CYFIP2: variants seen among roughly 807,000 people sequenced by gnomAD.
CYFIP2 encodes cytoplasmic FMR1 interacting protein 2, also known as cytoplasmic FMR1-interacting protein 2.
Under a neutral mutation model 158.7 loss-of-function variants are expected in CYFIP2, and 29 were observed. The observed-to-expected ratio is 0.18, with a 90% CI of 0.14 to 0.25. The LOEUF (loss-of-function observed/expected upper bound fraction) is 0.25. CYFIP2 is among the 10% of genes least tolerant of loss of function. CYFIP2 has a pLI of 1.00. For synonymous variants in CYFIP2, 585 were observed against 617.6 expected, an observed-to-expected ratio of 0.95 and a Z score of 0.78; for missense variants, 852 against 1,639.5, an observed-to-expected ratio of 0.52 and a Z score of 8.29.
At chr5:157,374,330 T>C (rs572568477) in intron 26 of CYFIP2, among the ~76,000 whole-genome samples, 1 of 152,314 alleles carries the variant, frequency 6.6e-6, no homozygotes, top group Admixed American at 6.5e-5. Context: ...ATATATTAAT[T>C]TTTAAAGAAT....
In CYFIP2 at chr5:157,349,659, G is replaced by A. The variant is rs562230642; in HGVS notation, c.2673+8502G>A. Among the ~76,000 whole-genome samples the A allele has an allele frequency of 1.7e-4, 26 of 152,278 alleles. No individual in the cohort carries two copies. The South Asian group carries it at 3.7e-3, about 22-fold the overall frequency. ...AGTGGGATTGCTGGATCAAATGGTA[G>A]TTCTCACTTTTAGTTCTTAAAGGAA... On this transcript the variant is annotated intron_variant, in intron 23 of 30. Coordinates refer to ENST00000620254, the MANE Select transcript of CYFIP2 (RefSeq NM_001037333.3).
intron 21 of CYFIP2, 74 bp downstream of exon 21, chr5:157,333,520 T>G: frequency 6.2e-7 from 1 of 1,603,914 alleles, no homozygotes. Flanking sequence ...GGACTGTAGT[T>G]AGTCTAGTGC....
chr5:157,341,723 C>T (rs150498171), intron 23 of CYFIP2: 65 of 157,762 alleles, frequency 4.1e-4, no homozygotes, highest in Admixed American at 8.0e-4. Context: ...CTTGGCTTCT[C>T]AGCTCCTGCT....
At chr5:157,388,484 T>C (rs1273619737) in intron 28 of CYFIP2, among the ~76,000 whole-genome samples, 1 of 152,190 alleles carries the variant, frequency 6.6e-6, no homozygotes, top group Non-Finnish European at 1.5e-5. Flanking sequence ...AGAGTGACAA[T>C]CCCACTCACT....
chr5:157,315,740 A>G (rs754966879), intron 13 of CYFIP2, among the ~76,000 whole-genome samples: 7 of 152,218 alleles, frequency 4.6e-5, no homozygotes, highest in Non-Finnish European at 8.8e-5. Context: ...AATGTTCTTC[A>G]ATATGGAACC....
chr5:157,357,844 A>T (rs542631552), intron 23 of CYFIP2, among the ~76,000 whole-genome samples: 1 of 152,176 alleles, frequency 6.6e-6, no homozygotes, highest in African/African-American at 2.4e-5. Flanking sequence ...AAAAACAAAG[A>T]AAAAAACCTA....
intron 23 of CYFIP2, chr5:157,342,936 C>T (rs1193379119): frequency 6.2e-7 from 1 of 1,614,222 alleles, no homozygotes. Flanking sequence ...TCAGGGGCAT[C>T]CTGGTTGGCT....
At chr5:157,288,533 TA>T in intron 3 of CYFIP2, 1 of 451,238 alleles carries the variant, frequency 2.2e-6, no homozygotes, top group Non-Finnish European at 4.5e-6. Context: ...CAAGGGCAGA[TA>T]GGGGCCAGTC....
chr5:157,376,851 G>A (rs770831857), intron 26 of CYFIP2: 58 of 455,948 alleles, frequency 1.3e-4, no homozygotes, highest in African/African-American at 8.0e-4. Context: ...CAGGGCCTAG[G>A]CCTCACATCT....
intron 11 of CYFIP2, 86 bp from the exon 12 acceptor site, chr5:157,314,258 C>A: frequency 6.6e-7 from 1 of 1,516,120 alleles, no homozygotes; most frequent in African/African-American, 1.4e-5. Flanking sequence ...TAGCACTTCC[C>A]TGCAGTGTTC....
rs373476633 is a variant in CYFIP2 at position 157,280,619 on chromosome 5, G to A, written c.-23-4720G>A. Among the ~76,000 whole-genome samples, 41 of 152,128 alleles carry A rather than the reference G, an allele frequency of 2.7e-4. No homozygotes were observed. The South Asian group carries it at 8.3e-3, about 31-fold the overall frequency. On this transcript the variant is annotated intron_variant, in intron 1 of 30. Transcript: ENST00000620254. The stretch of plus-strand genomic sequence containing the variant: ...GATAAGAGCTGGGAGCTTATAAACT[G>A]ATCTAGGGGATTTTATGAAAAATTT...
chr5:157,325,354 C>G (rs949941548), intron 16 of CYFIP2, 128 bp from the exon 17 acceptor site: 2 of 1,005,604 alleles, frequency 2.0e-6, no homozygotes, highest in Non-Finnish European at 2.7e-6. Context: ...GCAGGATCTA[C>G]TAATCAATAT....
intron 1 of CYFIP2, among the ~76,000 whole-genome samples, chr5:157,280,256 G>T (rs1190664470): frequency 1.3e-5 from 2 of 152,010 alleles, no homozygotes; most frequent in Non-Finnish European, 2.9e-5. Context: ...GAGTGCAATG[G>T]CATGATCTTG....
intron 19 of CYFIP2, 133 bp downstream of exon 19, chr5:157,328,182 G>C: frequency 2.5e-6 from 2 of 815,282 alleles, no homozygotes; most frequent in Non-Finnish European, 3.8e-6. Context: ...CCCGGACTGG[G>C]TGCTGAGATA....
intron 26 of CYFIP2, among the ~76,000 whole-genome samples, chr5:157,370,403 AT>A (rs1561775316): frequency 6.6e-6 from 1 of 152,252 alleles, no homozygotes; most frequent in East Asian, 1.9e-4. Flanking sequence ...ATTTAAAAAA[AT>A]CATCCCTTGC....
At chr5:157,320,849 C>T (rs757986303) in intron 15 of CYFIP2, 47 bp downstream of exon 15, 2 of 1,489,208 alleles carry the variant, frequency 1.3e-6, no homozygotes, top group Non-Finnish European at 1.8e-6. Context: ...CAGAGGCCAG[C>T]CGGGCTATGG....
At chr5:157,294,983 T>C in intron 4 of CYFIP2, 123 bp downstream of exon 4, 1 of 638,952 alleles carries the variant, frequency 1.6e-6, no homozygotes, top group Non-Finnish European at 2.6e-6. Context: ...CAGGTCCTCT[T>C]ATCCAAGGAA....
chr5:157,349,960 A>ATTGT (rs569890097), intron 23 of CYFIP2, among the ~76,000 whole-genome samples: 488 of 151,402 alleles, frequency 3.2e-3, no homozygotes, highest in Non-Finnish European at 4.6e-3. Flanking sequence ...TTTTGATGGG[A>ATTGT]TTGTTTGTTT....
At chr5:157,289,226 C>T (rs899307047) in intron 3 of CYFIP2, among the ~76,000 whole-genome samples, 10 of 152,270 alleles carry the variant, frequency 6.6e-5, no homozygotes, top group South Asian at 2.1e-4. Flanking sequence ...TTTTACCAGT[C>T]AGAGATGAGA....
Sources: gnomAD v4.1 joint callset for allele counts (sites outside exome capture counted in the v4.1 genomes callset) on GRCh38, gnomAD v4.1.1 for gene constraint, MANE v1.5 for transcripts, NCBI Gene and HGNC (gene_info 2026-07-23, HGNC 2026-07-21) for gene names.